The following NHSL1 variants were observed in gnomAD, a reference collection of about 807,000 sequenced individuals.
NHSL1 encodes NHS like 1.
NHSL1 carries 48 observed loss-of-function variants against 95.0 expected under a neutral mutation model. The ratio of observed to expected loss-of-function variants is 0.51; its 90% CI spans 0.40 to 0.64. NHSL1 has a LOEUF of 0.64. Ranked by LOEUF, NHSL1 falls within the 30% of genes least tolerant of loss-of-function variation. The pLI is 0.00. For synonymous variants in NHSL1, 783 were observed against 833.9 expected (o/e 0.94, Z 1.05); for missense variants, 1,971 against 2,077.7 (o/e 0.95, Z 1.00).
At chr6:138,683,229 C>A (rs1785536574) in intron 1 of NHSL1, among the ~76,000 whole-genome samples, 1 of 152,210 alleles carries the variant, frequency 6.6e-6, no homozygotes, top group African/African-American at 2.4e-5. Context: ...CTTTCACATG[C>A]CTGTGCAGAA....
At chr6:138,512,053 G>A (rs1008117465) in intron 1 of NHSL1, among the ~76,000 whole-genome samples, 1 of 152,140 alleles carries the variant, frequency 6.6e-6, no homozygotes, top group Non-Finnish European at 1.5e-5. Context: ...CTATCTCTTT[G>A]TGTGCTGCAA....
intron 1 of NHSL1, among the ~76,000 whole-genome samples, chr6:138,556,632 T>C (rs914336749): frequency 6.6e-6 from 1 of 151,406 alleles, no homozygotes; most frequent in Admixed American, 6.6e-5. Context: ...TCATGTGAAT[T>C]CTCTGCACTG....
At chr6:138,558,218 A>G (rs979256323) in intron 1 of NHSL1, among the ~76,000 whole-genome samples, 25 of 141,848 alleles carry the variant, frequency 1.8e-4, no homozygotes, top group East Asian at 1.1e-3. Context: ...CGCCTCCTGG[A>G]TTCAAGCAAT....
At position 138,612,109 on chromosome 6, in the gene NHSL1, CAAAAAAA is replaced by C. The variant is rs368848438; in HGVS notation, c.96+80360_96+80366del. ...TGAGCAACAGAGCAAGACTCCATCT[CAAAAAAA>C]AAAAAAAAAAAAAAGTAAGTTGAAA... On this transcript the variant is annotated intron_variant, in intron 1 of 3. Transcript: ENST00000491526. 4.6e-4 allele frequency among the ~76,000 whole-genome samples: 34 copies of C among 73,488 alleles called. No homozygotes were observed. In the East Asian group the frequency reaches 7.2e-3, roughly 16 times the overall value. The allele number at this position is 73,488 out of a possible 152,430, so 48.2% of individuals were successfully genotyped here. A position where few individuals can be genotyped will look rare whatever the true frequency, so the allele number is the denominator to read the frequency against.
chr6:138,579,868 T>C (rs1343073852), intron 1 of NHSL1, among the ~76,000 whole-genome samples: 2 of 152,256 alleles, frequency 1.3e-5, no homozygotes, highest in Non-Finnish European at 2.9e-5. Flanking sequence ...GGCTCTATAG[T>C]GCTTACACCG....
At position 138,645,346 on chromosome 6, in the gene NHSL1, T is replaced by C. The variant is rs369584184; in HGVS notation, c.96+47130A>G. On this transcript the variant is annotated intron_variant, in intron 1 of 3. Coordinates refer to the NHSL1 transcript ENST00000491526. The stretch of plus-strand genomic sequence containing the variant: ...GGTTCTCCGGCTCCTCTCCCATCTT[T>C]GCTCAAAAGTCACCTTAATGAGGCC... Among the ~76,000 whole-genome samples, 19 of 152,256 alleles carry C rather than the reference T, an allele frequency of 1.2e-4. No homozygotes were observed. In the East Asian group the frequency reaches 3.1e-3, roughly 25 times the overall value.
intron 1 of NHSL1, among the ~76,000 whole-genome samples, chr6:138,675,332 A>G (rs961914235): frequency 2.0e-5 from 3 of 151,988 alleles, no homozygotes; most frequent in Non-Finnish European, 4.4e-5. Context: ...ACAACCACAT[A>G]TCTTGCCACC....
chr6:138,455,504 T>C (rs1452910076), intron 3 of NHSL1, among the ~76,000 whole-genome samples: 1 of 75,472 alleles, frequency 1.3e-5, no homozygotes, highest in Non-Finnish European at 2.7e-5. Context: ...GAGCCCCGCC[T>C]TCACATGCTC....
rs145224475 is a variant in NHSL1 at position 138,476,035 on chromosome 6, C to A, written c.212-2602G>T. 2.6e-5 allele frequency among the ~76,000 whole-genome samples: 4 copies of A among 152,266 alleles called. No individual in the cohort carries two copies. In the East Asian group the frequency reaches 5.8e-4, roughly 22 times the overall value. ...ATGTAGACAAAAGGAAACATTTACA[C>A]ACCATTGGTGGGAATGTATATTAGT... On this transcript the variant is annotated intron_variant, in intron 2 of 7. Transcript: ENST00000343505.
At chr6:138,637,816 G>C (rs1256618199) in intron 1 of NHSL1, among the ~76,000 whole-genome samples, 1 of 152,164 alleles carries the variant, frequency 6.6e-6, no homozygotes, top group Non-Finnish European at 1.5e-5. Context: ...GAGCAGTTTG[G>C]AGGTTCCTCA....
In NHSL1 at chr6:138,431,900, A is replaced by G. The variant is rs746840917; in HGVS notation, c.2445T>C (p.His815=). 8 of 1,551,594 alleles carry G rather than the reference A, an allele frequency of 5.2e-6. No homozygotes were observed. Among genetic ancestry groups the G allele is most frequent in the Non-Finnish European group, 1.7e-6 (2 of 1,146,998 alleles). The change falls in exon 6 of 8, where the codon CAT becomes CAC. Residue 815 remains histidine (H), a synonymous_variant. Coordinates refer to ENST00000343505, the MANE Select transcript of NHSL1 (RefSeq NM_001144060.2). The surrounding 1 kb of genome is among the most constrained non-coding windows in gnomAD (Gnocchi z 4.0). ...GVPTGNGPVR[H]VQEGSRATMP... is the part of the protein sequence containing the mutation. ...TTGTGGCTCTGGACCCTTCTTGGACATGGCGGACTGGCCCGTTCCCAGTGG... is the reference window on the plus strand; with the variant it reads ...TTGTGGCTCTGGACCCTTCTTGGACGTGGCGGACTGGCCCGTTCCCAGTGG...
At position 138,648,352 on chromosome 6, in the gene NHSL1, GA is replaced by G. The variant is rs58429767; in HGVS notation, c.96+44123del. ...GTTTTAATAAAACTTTACGGACACTGAAAAAAAAAAAAAAACAATGGATTGT... is the reference window on the plus strand; with the variant it reads ...GTTTTAATAAAACTTTACGGACACTGAAAAAAAAAAAAAACAATGGATTGT... On this transcript the variant is annotated intron_variant, in intron 1 of 3. Transcript: ENST00000491526. Among the ~76,000 whole-genome samples, 566 of 134,006 alleles carry G rather than the reference GA, an allele frequency of 4.2e-3. 1 individual carries two copies. Among genetic ancestry groups the G allele is most frequent in the Middle Eastern group, 0.012 (3 of 258 alleles). 87.9% of individuals were successfully genotyped at this position (134,006 alleles called of 152,430 possible).
chr6:138,663,398 T>C (rs1785252137), intron 1 of NHSL1, among the ~76,000 whole-genome samples: 1 of 151,556 alleles, frequency 6.6e-6, no homozygotes, highest in South Asian at 2.1e-4. Flanking sequence ...CTGTCTCTAC[T>C]AAAAACACAA....
chr6:138,688,538 G>C (rs969072477), intron 1 of NHSL1, among the ~76,000 whole-genome samples: 2 of 152,058 alleles, frequency 1.3e-5, no homozygotes, highest in African/African-American at 4.8e-5. Context: ...CAGCTACTCA[G>C]GAGGATGAGG....
chr6:138,519,427 G>A (rs1297341722), intron 1 of NHSL1, among the ~76,000 whole-genome samples: 2 of 151,818 alleles, frequency 1.3e-5, no homozygotes, highest in Non-Finnish European at 2.9e-5. Flanking sequence ...TGTAATAAAA[G>A]CATTAAATAT....
intron 1 of NHSL1, among the ~76,000 whole-genome samples, chr6:138,681,224 A>G (rs558966787): frequency 6.6e-6 from 1 of 152,342 alleles, no homozygotes; most frequent in East Asian, 1.9e-4. Context: ...AAAATAACAT[A>G]AATTAATATT....
intron 1 of NHSL1, among the ~76,000 whole-genome samples, chr6:138,568,530 A>T (rs967664512): frequency 6.6e-6 from 1 of 152,222 alleles, no homozygotes; most frequent in Non-Finnish European, 1.5e-5. Context: ...AGTGGGTCAT[A>T]TCATACTAGG....
In NHSL1 at chr6:138,570,223, T is replaced by TA. The variant is rs374203273; in HGVS notation, c.202+1486dup. ...AACAGAGACTTGACAGTGGTTGACTTAAAGTCAAACAAGTCCTACAAAGCA... is the reference window on the plus strand; with the variant it reads ...AACAGAGACTTGACAGTGGTTGACTTAAAAGTCAAACAAGTCCTACAAAGCA... On this transcript the variant is annotated intron_variant, in intron 1 of 6. Coordinates refer to the NHSL1 transcript ENST00000427025. Among the ~76,000 whole-genome samples the TA allele has an allele frequency of 9.0e-4, 137 of 152,332 alleles. 1 individual carries two copies. Among genetic ancestry groups the TA allele is most frequent in the African/African-American group, 3.2e-3 (132 of 41,572 alleles).
At chr6:138,690,738 A>T (rs552298895) in intron 1 of NHSL1, among the ~76,000 whole-genome samples, 1 of 152,318 alleles carries the variant, frequency 6.6e-6, no homozygotes, top group East Asian at 1.9e-4. Context: ...TGAAATCACA[A>T]CCACTTAAGA....
Sources: gnomAD v4.1 joint callset for allele counts (sites outside exome capture counted in the v4.1 genomes callset) on GRCh38, gnomAD v4.1.1 for gene constraint, Gnocchi (gnomAD v3.1) non-coding constraint, MANE v1.5 for transcripts, NCBI Gene and HGNC (gene_info 2026-07-23, HGNC 2026-07-21) for gene names.